The following ABLIM1 variants were observed in gnomAD, a reference collection of about 807,000 sequenced individuals.
ABLIM1 encodes actin binding LIM protein 1.
In ABLIM1, 40 loss-of-function variants were observed where a neutral mutation model predicts 107.0. The ratio of observed to expected loss-of-function variants is 0.37; its 90% CI spans 0.29 to 0.49. The LOEUF (loss-of-function observed/expected upper bound fraction) is 0.49. Ranked by LOEUF, ABLIM1 falls within the 20% of genes least tolerant of loss-of-function variation. The probability of loss-of-function intolerance (pLI) is 0.97; values close to 1 mark genes in which losing one functional copy is unlikely to be tolerated. For missense variants in ABLIM1, 857 were observed against 1,008.5 expected (o/e 0.85, Z 2.04); for synonymous variants, 357 against 357.3 (o/e 1.00, Z 0.01).
At chr10:114,782,334 G>C in the ABLIM1 span, among the ~76,000 whole-genome samples, 80 of 152,154 alleles carry the variant, frequency 5.3e-4, 1 homozygote, top group African/African-American at 1.9e-3. Context: ...CAAGGGGCTG[G>C]AATAAAGAAC....
chr10:114,693,631 C>G (rs1184004156), intron 1 of ABLIM1, among the ~76,000 whole-genome samples: 1 of 151,902 alleles, frequency 6.6e-6, no homozygotes. Flanking sequence ...AGCGTTTTTT[C>G]TTTCTTTCTT....
chr10:114,795,690 CA>C, the ABLIM1 span, among the ~76,000 whole-genome samples: 1 of 144,862 alleles, frequency 6.9e-6, no homozygotes. Context: ...GTCTGGGCAA[CA>C]AGAGCGAGAC....
rs1328882698 is a variant in ABLIM1 at position 114,629,056 on chromosome 10, A to G, written c.245-27095T>C. On this transcript the variant is annotated intron_variant, in intron 1 of 22. Coordinates refer to ENST00000533213, the MANE Select transcript of ABLIM1 (RefSeq NM_002313.7). This position sits in a 1 kb window ranked among gnomAD's most constrained non-coding sequence, Gnocchi z 4.0. The stretch of plus-strand genomic sequence containing the variant: ...CCATTTCATCAAGATTCCGGAATCA[A>G]TAAGTGTCTGCAGCTGGAAGTGAAT... 6.6e-6 allele frequency among the ~76,000 whole-genome samples: 1 copy of G among 152,208 alleles called. No individual in the cohort carries two copies. Among genetic ancestry groups the G allele is most frequent in the Admixed American group, 6.5e-5 (1 of 15,280 alleles).
intron 1 of ABLIM1, among the ~76,000 whole-genome samples, chr10:114,648,854 G>C (rs2079116074): frequency 6.6e-6 from 1 of 152,148 alleles, no homozygotes; most frequent in African/African-American, 2.4e-5. Flanking sequence ...TGCTTGGATG[G>C]GCATTTGTGT....
At chr10:114,666,940 T>C (rs2080050940) in intron 1 of ABLIM1, among the ~76,000 whole-genome samples, 1 of 152,216 alleles carries the variant, frequency 6.6e-6, no homozygotes, top group African/African-American at 2.4e-5. Context: ...AGCCAGGTAT[T>C]GCCAGATGTT....
At chr10:114,466,853 A>G (rs770578834) in intron 11 of ABLIM1, among the ~76,000 whole-genome samples, 4 of 152,222 alleles carry the variant, frequency 2.6e-5, no homozygotes, top group Non-Finnish European at 5.9e-5. Context: ...AAATTGGGGC[A>G]CAATTAAGAA....
chr10:114,705,015 A>C (rs1303128694), intron 1 of ABLIM1, among the ~76,000 whole-genome samples: 1 of 152,200 alleles, frequency 6.6e-6, no homozygotes, highest in African/African-American at 2.4e-5. Context: ...GGTGAGGTTT[A>C]AGAAAGGGAA....
Position 114,487,997 on chromosome 10 carries a change from G to A in ABLIM1, c.1002C>T (p.Pro334=), listed in dbSNP as rs369103359. Residue 334 remains proline, a synonymous_variant, in exon 8 of 23, where the codon CCC becomes CCT. Coordinates refer to ENST00000533213, the MANE Select transcript of ABLIM1 (RefSeq NM_002313.7). ...CGGTCTTCGTAGATTGCTTACAGTC[G>A]GGATGCCAAACGGTGGAGCCTGAGA... ...MYLQGSTVWH[P]DCKQSTKTEE... is the part of the protein sequence containing the mutation. The A allele has an allele frequency of 3.9e-5, 63 of 1,613,934 alleles. No individual in the cohort carries two copies. Among genetic ancestry groups the A allele is most frequent in the Admixed American group, 1.7e-4 (10 of 59,992 alleles).
intron 6 of ABLIM1, among the ~76,000 whole-genome samples, chr10:114,509,043 T>C (rs755177978): frequency 2.6e-5 from 4 of 152,224 alleles, no homozygotes; most frequent in African/African-American, 4.8e-5. Flanking sequence ...GAGAGGCACA[T>C]AGTTGTCTTT....
intron 1 of ABLIM1, among the ~76,000 whole-genome samples, chr10:114,695,912 G>A (rs955003258): frequency 6.6e-6 from 1 of 152,082 alleles, no homozygotes; most frequent in Non-Finnish European, 1.5e-5. Context: ...TATTGCCATC[G>A]CCCCATCAAT....
Position 114,481,019 on chromosome 10 carries a change from T to C in ABLIM1, c.1041+6939A>G, listed in dbSNP as rs182818900. 6.6e-5 allele frequency among the ~76,000 whole-genome samples: 10 copies of C among 152,308 alleles called. No individual in the cohort carries two copies. The East Asian group carries it at 1.9e-3, about 29-fold the overall frequency. On this transcript the variant is annotated intron_variant, in intron 8 of 22. Coordinates refer to ENST00000533213, the MANE Select transcript of ABLIM1 (RefSeq NM_002313.7). ...AAGCCCTCTAAATACCTTTCAGCTA[T>C]TTTTCCCCTATGCCTTGATTTTGTC...
chr10:114,659,224 C>T (rs1290293019), upstream of ABLIM1, among the ~76,000 whole-genome samples: 1 of 151,956 alleles, frequency 6.6e-6, no homozygotes, highest in East Asian at 1.9e-4. Flanking sequence ...GCATAAGAAC[C>T]ATCTGCAGGT....
intron 6 of ABLIM1, among the ~76,000 whole-genome samples, chr10:114,535,957 G>T (rs972986685): frequency 3.5e-4 from 54 of 152,164 alleles, no homozygotes; most frequent in African/African-American, 1.1e-3. Context: ...GGGGGATGGT[G>T]GTCCTGGAAC....
At chr10:114,721,806 C>A (rs914692485) in intron 1 of ABLIM1, among the ~76,000 whole-genome samples, 7 of 152,016 alleles carry the variant, frequency 4.6e-5, no homozygotes, top group African/African-American at 1.7e-4. Context: ...AATTTTTAAG[C>A]CTTATAATCA....
chr10:114,786,691 G>C, the ABLIM1 span, among the ~76,000 whole-genome samples: 1 of 152,226 alleles, frequency 6.6e-6, no homozygotes, highest in African/African-American at 2.4e-5. Context: ...ATTACATTAA[G>C]AAATCTGGTT....
At position 114,707,442 on chromosome 10, in the gene ABLIM1, G is replaced by C. The variant is rs1028771573; in HGVS notation, c.-213+60619C>G. ...GAGACGAAGTTCACCATGTTGGCCAGGCTGGTCTTGAATTCCTGACCTCAA... is the reference window on the plus strand; with the variant it reads ...GAGACGAAGTTCACCATGTTGGCCACGCTGGTCTTGAATTCCTGACCTCAA... On this transcript the variant is annotated intron_variant, in intron 1 of 15. Coordinates refer to the ABLIM1 transcript ENST00000651092. The surrounding 1 kb of genome is among the most constrained non-coding windows in gnomAD (Gnocchi z 4.1). Among the ~76,000 whole-genome samples, 2 of 152,120 alleles carry C rather than the reference G, an allele frequency of 1.3e-5. No homozygotes were observed. The highest frequency in any genetic ancestry group is 1.3e-4 in the Admixed American group (2 of 15,286).
intron 2 of ABLIM1, among the ~76,000 whole-genome samples, chr10:114,585,407 A>T (rs2074074848): frequency 6.6e-6 from 1 of 152,230 alleles, no homozygotes; most frequent in South Asian, 2.1e-4. Flanking sequence ...CTTATAAAAA[A>T]ACAAAGGCAC....
chr10:114,763,581 G>A (rs1043932360), intron 1 of ABLIM1, among the ~76,000 whole-genome samples: 1 of 151,948 alleles, frequency 6.6e-6, no homozygotes, highest in Non-Finnish European at 1.5e-5. Flanking sequence ...TAGTAGAGAC[G>A]GGGTTTCACC....
chr10:114,512,891 G>A (rs932424080), intron 6 of ABLIM1, among the ~76,000 whole-genome samples: 1 of 148,680 alleles, frequency 6.7e-6, no homozygotes, highest in African/African-American at 2.5e-5. Flanking sequence ...AAGGAAGGAA[G>A]GAAGGAAGGA....
Sources: allele counts gnomAD v4.1 joint callset (sites outside exome capture counted in the v4.1 genomes callset), GRCh38; gene constraint gnomAD v4.1.1; non-coding constraint Gnocchi (gnomAD v3.1); transcripts MANE v1.5; gene names NCBI Gene and HGNC (gene_info 2026-07-23, HGNC 2026-07-21).